The following WBP2NL variants were observed in gnomAD, a reference collection of about 807,000 sequenced individuals.
WBP2NL encodes WBP2 N-terminal like, also known as postacrosomal sheath WW domain-binding protein.
In WBP2NL, 27 loss-of-function variants were observed where a neutral mutation model predicts 23.3. The observed-to-expected ratio is 1.16, with a 90% CI of 0.85 to 1.60. The LOEUF is 1.60. WBP2NL is among the 40% of genes most tolerant of loss of function. The pLI is 0.00. For missense variants in WBP2NL, 370 were observed against 389.5 expected (o/e 0.95, Z 0.42); for synonymous variants, 151 against 145.9 (o/e 1.03, Z -0.25).
chr22:42,004,703 T>G (rs924588128), intron 1 of WBP2NL, among the ~76,000 whole-genome samples: 1 of 146,956 alleles, frequency 6.8e-6, no homozygotes, highest in Non-Finnish European at 1.5e-5. Context: ...GTGGGTGTAT[T>G]GCTTGAGGTC....
At position 42,027,767 on chromosome 22, in the gene WBP2NL, A is replaced by C. The variant is rs1487114275; in HGVS notation, c.*586A>C. 1 of 391,204 alleles carries C rather than the reference A, an allele frequency of 2.6e-6. No individual in the cohort carries two copies. The highest frequency in any genetic ancestry group is 2.1e-5 in the African/African-American group (1 of 48,536). 24.2% of individuals were successfully genotyped at this position (391,204 alleles called of 1,614,324 possible). A position where few individuals can be genotyped will look rare whatever the true frequency, so the allele number is the denominator to read the frequency against. ...TCAAAATTTAAAACTTCTCTATGAC[A>C]GAAGTTAAAAGATAGGCAACAGAAT... is the stretch of plus-strand genomic sequence containing the variant. On this transcript the variant is annotated 3_prime_UTR_variant, in exon 6 of 6. Coordinates refer to ENST00000328823, the MANE Select transcript of WBP2NL (RefSeq NM_152613.3).
Position 41,998,810 on chromosome 22 carries a change from C to G in WBP2NL, c.-9C>G. 1.2e-6 allele frequency: 2 copies of G among 1,608,074 alleles called. No homozygotes were observed. The highest frequency in any genetic ancestry group is 1.7e-6 in the Non-Finnish European group (2 of 1,176,494). ...TCCATCTACGGGGCGGCAGGAGGCC[C>G]GAAGCAAGATGGCGGTGAATCAGAG... On this transcript the variant is annotated 5_prime_UTR_variant, in exon 1 of 6. Coordinates refer to ENST00000328823, the MANE Select transcript of WBP2NL (RefSeq NM_152613.3).
chr22:42,008,947 T>G (rs1194150744), intron 1 of WBP2NL, among the ~76,000 whole-genome samples: 1 of 152,054 alleles, frequency 6.6e-6, no homozygotes, highest in Non-Finnish European at 1.5e-5. Context: ...CCCGGCTAAT[T>G]TTTTCTATTT....
intron 8 of WBP2NL, among the ~76,000 whole-genome samples, chr22:42,043,016 G>GAAAAAAAAA (rs59812729): frequency 1.8e-5 from 1 of 55,396 alleles, no homozygotes; most frequent in African/African-American, 5.2e-5. Flanking sequence ...AGTGAGCCAA[G>GAAAAAAAAA]AAAAAAAAAA....
At chr22:42,049,426 C>T (rs1410827855) in intron 8 of WBP2NL, among the ~76,000 whole-genome samples, 1 of 152,154 alleles carries the variant, frequency 6.6e-6, no homozygotes, top group Non-Finnish European at 1.5e-5. Flanking sequence ...CACGGTGGCT[C>T]ATTCCTGTAA....
At chr22:42,047,613 CCAAT>C (rs1207243734) in intron 8 of WBP2NL, among the ~76,000 whole-genome samples, 1 of 141,668 alleles carries the variant, frequency 7.1e-6, no homozygotes, top group African/African-American at 2.7e-5. Context: ...CCAAAAAAAA[CCAAT>C]CAAATTTTTT....
chr22:42,029,389 T>G (rs76500249), downstream of WBP2NL, among the ~76,000 whole-genome samples: 1 of 151,850 alleles, frequency 6.6e-6, no homozygotes, highest in Non-Finnish European at 1.5e-5. Context: ...TTTTTTTTTT[T>G]GAGACAGAGT....
intron 1 of WBP2NL, among the ~76,000 whole-genome samples, chr22:42,013,372 G>A (rs1397556685): frequency 1.3e-5 from 2 of 148,240 alleles, no homozygotes; most frequent in Non-Finnish European, 3.0e-5. Flanking sequence ...GGCAACAAAA[G>A]TGAAACTCCA....
Position 42,049,705 on chromosome 22 carries a change from CAAAAAAAAAA to C in WBP2NL, c.*274-8568_*274-8559del, listed in dbSNP as rs1158837575. Among the ~76,000 whole-genome samples the C allele has an allele frequency of 2.9e-4, 11 of 37,482 alleles. No homozygotes were observed. In the South Asian group the frequency reaches 5.3e-3, roughly 18 times the overall value. The allele number at this position is 37,482 out of a possible 152,430, so 24.6% of individuals were successfully genotyped here. A position where few individuals can be genotyped will look rare whatever the true frequency, so the allele number is the denominator to read the frequency against. On this transcript the variant is annotated intron_variant and NMD_transcript_variant, in intron 8 of 8. Transcript: ENST00000436265. ...ACTCCGTCTCCAAAACAAAACAAAA[CAAAAAAAAAA>C]AAAAAAAAAAAAAAAATAGAACATT...
At chr22:42,039,580 G>A (rs539826132) in intron 8 of WBP2NL, among the ~76,000 whole-genome samples, 1 of 152,180 alleles carries the variant, frequency 6.6e-6, no homozygotes, top group East Asian at 1.9e-4. Flanking sequence ...TCTTGGTAGT[G>A]TGTGTGTTAC....
chr22:42,058,303 C>G (rs1167208383), exon 9 of WBP2NL: 1 of 152,000 alleles, frequency 6.6e-6, no homozygotes, highest in Non-Finnish European at 1.5e-5. Flanking sequence ...CTCTAGCTCA[C>G]ACATCAGAAG....
intron 8 of WBP2NL, among the ~76,000 whole-genome samples, chr22:42,040,780 A>G (rs1925373924): frequency 6.6e-6 from 1 of 152,232 alleles, no homozygotes; most frequent in South Asian, 2.1e-4. Context: ...GATACCAGGT[A>G]TTATTTCAAT....
At chr22:42,019,253 T>C (rs1234410735) in intron 1 of WBP2NL, 58 bp from the exon 2 acceptor site, 3 of 1,506,358 alleles carry the variant, frequency 2.0e-6, no homozygotes, top group Non-Finnish European at 2.7e-6. Context: ...AAGAACTTTA[T>C]GTGTGTCATT....
intron 8 of WBP2NL, among the ~76,000 whole-genome samples, chr22:42,057,165 T>G (rs1044641351): frequency 6.6e-6 from 1 of 152,222 alleles, no homozygotes; most frequent in Non-Finnish European, 1.5e-5. Context: ...TATGTGTATA[T>G]GGGTACATTT....
chr22:42,019,561 G>A (rs1048500856), intron 2 of WBP2NL, 101 bp from the exon 3 acceptor site: 1 of 1,548,398 alleles, frequency 6.5e-7, no homozygotes, highest in African/African-American at 1.4e-5. Context: ...TGGAAGAAAA[G>A]ATGATGTTTC....
chr22:42,015,496 G>A (rs1031393816), intron 1 of WBP2NL, among the ~76,000 whole-genome samples: 5 of 151,892 alleles, frequency 3.3e-5, no homozygotes, highest in South Asian at 2.1e-4. Context: ...TCTGCCTCCC[G>A]GGTTCAAGCA....
downstream of WBP2NL, among the ~76,000 whole-genome samples, chr22:42,034,143 G>A (rs1436615422): frequency 1.3e-5 from 2 of 152,252 alleles, no homozygotes; most frequent in African/African-American, 4.8e-5. Context: ...TGTCAGCACT[G>A]CCCAACTTTG....
downstream of WBP2NL, among the ~76,000 whole-genome samples, chr22:42,036,789 G>A (rs1009068258): frequency 6.6e-6 from 1 of 151,964 alleles, no homozygotes; most frequent in African/African-American, 2.4e-5. Context: ...TGTATTTTTA[G>A]CATTGAGTTG....
intron 1 of WBP2NL, among the ~76,000 whole-genome samples, chr22:42,013,972 G>T (rs1441316735): frequency 6.6e-6 from 1 of 151,884 alleles, no homozygotes; most frequent in Admixed American, 6.6e-5. Flanking sequence ...AGTAGAGATG[G>T]GGTCTCACCA....
Sources: gnomAD v4.1 joint callset for allele counts (sites outside exome capture counted in the v4.1 genomes callset) on GRCh38, gnomAD v4.1.1 for gene constraint, MANE v1.5 for transcripts, NCBI Gene and HGNC (gene_info 2026-07-23, HGNC 2026-07-21) for gene names.